The following MAP2K1 variants were observed in gnomAD, a reference collection of about 807,000 sequenced individuals.
MAP2K1 encodes the protein dual specificity mitogen-activated protein kinase kinase 1.
Under a neutral mutation model 46.3 loss-of-function variants are expected in MAP2K1, and 16 were observed. The observed-to-expected ratio is 0.35, with a 90% CI of 0.23 to 0.52. The LOEUF (loss-of-function observed/expected upper bound fraction) is 0.52. Ranked by LOEUF, MAP2K1 falls within the 20% of genes least tolerant of loss-of-function variation. The pLI is 0.94. For synonymous variants in MAP2K1, 183 were observed against 185.6 expected (o/e 0.99, Z 0.11); for missense variants, 263 against 497.1 (o/e 0.53, Z 4.48).
At chr15:66,408,972 G>T (rs1405187971) in intron 1 of MAP2K1, among the ~76,000 whole-genome samples, 1 of 152,158 alleles carries the variant, frequency 6.6e-6, no homozygotes, top group Non-Finnish European at 1.5e-5. Context: ...AAAGGGCAAG[G>T]TTCTGCTAAC....
intron 5 of MAP2K1, among the ~76,000 whole-genome samples, chr15:66,456,950 A>G (rs1319142959): frequency 6.6e-6 from 1 of 152,232 alleles, no homozygotes; most frequent in African/African-American, 2.4e-5. Context: ...GCATTGGGTC[A>G]GAAAGACAAA....
At chr15:66,413,390 G>A (rs1293804813) in intron 1 of MAP2K1, among the ~76,000 whole-genome samples, 1 of 152,158 alleles carries the variant, frequency 6.6e-6, no homozygotes, top group Non-Finnish European at 1.5e-5. Flanking sequence ...ACAAAAAGTT[G>A]TAAATGAGAC....
At chr15:66,416,630 CCTTT>C (rs2093425276) in intron 1 of MAP2K1, among the ~76,000 whole-genome samples, 1 of 152,082 alleles carries the variant, frequency 6.6e-6, no homozygotes, top group Non-Finnish European at 1.5e-5. Flanking sequence ...CTCACATTTC[CCTTT>C]CTATGTTTTT....
chr15:66,414,209 A>AACTCAGGAATG (rs1232812795), intron 1 of MAP2K1, among the ~76,000 whole-genome samples: 2 of 148,828 alleles, frequency 1.3e-5, no homozygotes. Flanking sequence ...AGTCAGGCAG[A>AACTCAGGAATG]CCTCATAGGT....
At chr15:66,480,755 T>C (rs890816745) in intron 5 of MAP2K1, among the ~76,000 whole-genome samples, 11 of 152,148 alleles carry the variant, frequency 7.2e-5, no homozygotes, top group African/African-American at 2.4e-4. Context: ...TGGGATGTCA[T>C]GGTTTAGCAT....
At chr15:66,391,019 G>A (rs967231626) in intron 1 of MAP2K1, among the ~76,000 whole-genome samples, 1 of 151,494 alleles carries the variant, frequency 6.6e-6, no homozygotes, top group East Asian at 1.9e-4. Context: ...CATCTCAGAG[G>A]AATGTGGTCC....
Position 66,439,961 on chromosome 15 carries a change from A to G in MAP2K1, c.438+3069A>G, listed in dbSNP as rs907959715. 4.0e-5 allele frequency among the ~76,000 whole-genome samples: 6 copies of G among 151,388 alleles called. No individual in the cohort carries two copies. In the South Asian group the frequency reaches 1.0e-3, roughly 26 times the overall value. On this transcript the variant is annotated intron_variant, in intron 3 of 10. Transcript: ENST00000307102. ...AAAAAAAAAAAAAAAAAATTCTAGCATGCAGGAAAACCTGAAGGAAGTGTA... is the reference window on the plus strand; with the variant it reads ...AAAAAAAAAAAAAAAAAATTCTAGCGTGCAGGAAAACCTGAAGGAAGTGTA...
At chr15:66,454,633 C>T (rs945947884) in intron 5 of MAP2K1, among the ~76,000 whole-genome samples, 1 of 151,992 alleles carries the variant, frequency 6.6e-6, no homozygotes, top group Non-Finnish European at 1.5e-5. Context: ...ACCTGTAATC[C>T]CAGCACTTTG....
intron 5 of MAP2K1, among the ~76,000 whole-genome samples, chr15:66,455,784 A>G (rs974067842): frequency 3.3e-5 from 5 of 152,240 alleles, no homozygotes; most frequent in African/African-American, 1.2e-4. Flanking sequence ...CTTGGGCAGA[A>G]TAAGTTCAAC....
chr15:66,485,175 C>T lies in MAP2K1; in HGVS notation c.879C>T (p.Pro293=), dbSNP rs370521459. The T allele has an allele frequency of 3.1e-5, 50 of 1,613,794 alleles. No homozygotes were observed. The highest frequency in any genetic ancestry group is 1.7e-4 in the Middle Eastern group (1 of 5,832). ...AGACCCCACCCAGGCCAAGGACCCCCGGGAGGCCCCTTAGCTGTGAGTAGC... is the reference window on the plus strand; with the variant it reads ...AGACCCCACCCAGGCCAAGGACCCCTGGGAGGCCCCTTAGCTGTGAGTAGC... The part of the protein sequence containing the change: ...AAETPPRPRT[P]GRPLSSYGMD... Residue 293 remains proline, a synonymous_variant, in exon 7 of 11, where the codon CCC becomes CCT. Transcript: ENST00000307102.
chr15:66,420,593 C>T (rs968028384), intron 1 of MAP2K1, among the ~76,000 whole-genome samples: 4 of 149,842 alleles, frequency 2.7e-5, no homozygotes, highest in Admixed American at 6.7e-5. Flanking sequence ...CTGGGGAAGC[C>T]GATTGAAAAG....
chr15:66,428,130 G>T (rs1206494890), intron 1 of MAP2K1, among the ~76,000 whole-genome samples: 1 of 152,110 alleles, frequency 6.6e-6, no homozygotes, highest in Non-Finnish European at 1.5e-5. Context: ...TATCATAAAA[G>T]CATAGTTGAT....
intron 1 of MAP2K1, among the ~76,000 whole-genome samples, chr15:66,397,655 C>G (rs2093371404): frequency 1.3e-5 from 2 of 152,204 alleles, no homozygotes; most frequent in South Asian, 4.1e-4. Context: ...TCCTTCAAAT[C>G]TAGCCCAAAC....
chr15:66,487,233 G>A lies in MAP2K1; in HGVS notation c.901G>A (p.Gly301Arg), dbSNP rs773890369. 13 of 1,613,664 alleles carry A rather than the reference G, an allele frequency of 8.1e-6. No homozygotes were observed. The highest frequency in any genetic ancestry group is 1.6e-4 in the Middle Eastern group (1 of 6,084). ...RTPGRPLSSY[G>R]MDSRPPMAIF... The stretch of plus-strand genomic sequence containing the variant: ...TCTTTTTATAAAATTTGTAGCATAC[G>A]GAATGGACAGCCGACCTCCCATGGC... The change falls in exon 8 of 11, where the codon GGA (glycine) becomes AGA (arginine). Residue 301 changes from glycine to arginine, a missense_variant. By Grantham distance (125) the Gly-to-Arg change is moderately radical (BLOSUM62 -2). Around this residue, in one of 4 missense-constraint regions of MAP2K1, gnomAD observed 118 missense variants for 193.0 expected, o/e 0.61. Coordinates refer to ENST00000307102, the MANE Select transcript of MAP2K1 (RefSeq NM_002755.4).
At chr15:66,486,637 T>C (rs1893044336) in intron 7 of MAP2K1, among the ~76,000 whole-genome samples, 1 of 152,214 alleles carries the variant, frequency 6.6e-6, no homozygotes, top group Admixed American at 6.5e-5. Flanking sequence ...GAAGTAAACC[T>C]GGTACTCAGG....
rs181610621 is a variant in MAP2K1, at chr15:66,487,436, C to T, written c.960+144C>T. 6.7e-4 allele frequency: 518 copies of T among 769,380 alleles called. 2 individuals are homozygous for T. The highest frequency in any genetic ancestry group is 5.4e-3 in the African/African-American group (310 of 57,758). The allele number at this position is 769,380 out of a possible 1,614,324, so 47.7% of individuals were successfully genotyped here. On this transcript the variant is annotated intron_variant, in intron 8 of 10. Transcript: ENST00000307102. Reference sequence around the variant, plus strand: ...GGTGGATCACACGAGGTGAGGAGTTCGAGACCAGCCTGGCCAACAAGGCAA... The same window carrying T: ...GGTGGATCACACGAGGTGAGGAGTTTGAGACCAGCCTGGCCAACAAGGCAA...
intron 5 of MAP2K1, among the ~76,000 whole-genome samples, chr15:66,476,146 T>C (rs982736192): frequency 4.6e-5 from 7 of 152,228 alleles, no homozygotes; most frequent in African/African-American, 1.7e-4. Flanking sequence ...ATTGGGGTTA[T>C]TAGATCTCAG....
At position 66,489,735 on chromosome 15, in the gene MAP2K1, C is replaced by G; in HGVS notation, c.1040C>G (p.Ala347Gly). The G allele has an allele frequency of 6.2e-7, 1 of 1,613,898 alleles. No individual in the cohort carries two copies. Among genetic ancestry groups the G allele is most frequent in the Non-Finnish European group, 8.5e-7 (1 of 1,179,740 alleles). Residue 347 changes from alanine to glycine, a missense_variant, in exon 10 of 11, where the codon GCA becomes GGA. Around this residue, in one of 4 missense-constraint regions of MAP2K1, gnomAD observed 118 missense variants for 193.0 expected, o/e 0.61. Transcript: ENST00000307102. Reference protein sequence around the residue: ...FVNKCLIKNPAERADLKQLMV... With the variant: ...FVNKCLIKNPGERADLKQLMV... ...CCTTTAAGCTTAATAAAAAACCCCG[C>G]AGAGAGAGCAGATTTGAAGCAACTC...
chr15:66,399,442 C>T (rs2093376279), intron 1 of MAP2K1, among the ~76,000 whole-genome samples: 1 of 150,084 alleles, frequency 6.7e-6, no homozygotes, highest in Admixed American at 6.7e-5. Context: ...CAATCTCTCC[C>T]CTCCCACCCC....
Sources: allele counts gnomAD v4.1 joint callset (sites outside exome capture counted in the v4.1 genomes callset), GRCh38; gene constraint gnomAD v4.1.1; regional missense constraint gnomAD v4.1.1; transcripts MANE v1.5; gene names NCBI Gene and HGNC (gene_info 2026-07-23, HGNC 2026-07-21).